PI16: variants seen among roughly 807,000 people sequenced by gnomAD.
PI16 encodes the protein PSP94-binding protein.
A neutral mutation model predicts 38.0 loss-of-function variants in PI16; 35 were observed. The ratio of observed to expected loss-of-function variants is 0.92; its 90% CI spans 0.70 to 1.22. PI16 has a LOEUF of 1.22. Ranked by LOEUF, PI16 falls within the 50% of genes most tolerant of loss-of-function variation. The pLI, the probability that PI16 is intolerant of heterozygous loss-of-function variation, is 0.00. For synonymous variants in PI16, 275 were observed against 252.9 expected (o/e 1.09, Z -0.83); for missense variants, 572 against 593.8 (o/e 0.96, Z 0.38).
intron 1 of PI16, among the ~76,000 whole-genome samples, chr6:36,958,857 T>A (rs1438085973): frequency 6.6e-6 from 1 of 152,100 alleles, no homozygotes; most frequent in East Asian, 1.9e-4. Flanking sequence ...AATAACACTG[T>A]CACCAACACC....
intron 1 of PI16, among the ~76,000 whole-genome samples, chr6:36,957,331 C>A (rs969109408): frequency 6.6e-6 from 1 of 152,232 alleles, no homozygotes; most frequent in East Asian, 1.9e-4. Flanking sequence ...GGATGCCTCT[C>A]CCCTCCAGCT....
chr6:36,954,510 T>G, upstream of PI16: 1 of 494,312 alleles, frequency 2.0e-6, no homozygotes, highest in African/African-American at 1.9e-5. Flanking sequence ...ACTTAGGAAC[T>G]CACACAGCTT....
At position 36,962,394 on chromosome 6, in the gene PI16, T is replaced by A. The variant is rs1286793096; in HGVS notation, c.592+420T>A. 6.6e-6 allele frequency among the ~76,000 whole-genome samples: 1 copy of A among 152,170 alleles called. No homozygotes were observed. The highest frequency in any genetic ancestry group is 1.5e-5 in the Non-Finnish European group (1 of 68,016). On this transcript the variant is annotated intron_variant, in intron 4 of 6. Coordinates refer to ENST00000373674, the MANE Select transcript of PI16 (RefSeq NM_153370.3). This position sits in a 1 kb window ranked among gnomAD's most constrained non-coding sequence, Gnocchi z 4.1. The stretch of plus-strand genomic sequence containing the variant: ...TCCCCTGAAAAAGGGCAAGTACGAA[T>A]GTAGAGAGACTTGGACCAGGAGGTG...
chr6:36,959,974 G>T (rs1763315140), intron 2 of PI16, among the ~76,000 whole-genome samples: 1 of 151,982 alleles, frequency 6.6e-6, no homozygotes, highest in African/African-American at 2.4e-5. Flanking sequence ...CATGGTTATT[G>T]TCCTAGGCCA....
In PI16 at chr6:36,962,897, C is replaced by T. The variant is rs1020822705; in HGVS notation, c.593-38C>T. The T allele has an allele frequency of 1.0e-5, 16 of 1,548,076 alleles. No individual in the cohort carries two copies. Among genetic ancestry groups the T allele is most frequent in the Non-Finnish European group, 1.4e-5 (16 of 1,141,052 alleles). ...GTGCCATGAGAGATGTGGGGTCCTG[C>T]TTGCAGCACTCATGCCCGTTCTCGT... is the stretch of plus-strand genomic sequence containing the variant. On this transcript the variant is annotated intron_variant, in intron 4 of 6. Coordinates refer to ENST00000373674, the MANE Select transcript of PI16 (RefSeq NM_153370.3). This position sits in a 1 kb window ranked among gnomAD's most constrained non-coding sequence, Gnocchi z 4.1.
intron 2 of PI16, among the ~76,000 whole-genome samples, chr6:36,959,767 C>T (rs1583234719): frequency 6.6e-6 from 1 of 151,084 alleles, no homozygotes; most frequent in East Asian, 1.9e-4. Flanking sequence ...GCTCTGGAGG[C>T]GGAGGTGGAA....
chr6:36,961,308 A>G, intron 2 of PI16, 143 bp from the exon 3 acceptor site: 1 of 706,516 alleles, frequency 1.4e-6, no homozygotes, highest in South Asian at 1.6e-5. Flanking sequence ...TTTGTCCTGA[A>G]CCTGCATGGC....
Position 36,963,048 on chromosome 6 carries a change from C to A in PI16, c.706C>A (p.Leu236Ile), listed in dbSNP as rs1212683969. The A allele has an allele frequency of 2.6e-5, 42 of 1,614,122 alleles. No individual in the cohort carries two copies. Among genetic ancestry groups the A allele is most frequent in the Non-Finnish European group, 3.5e-5 (41 of 1,180,060 alleles). The change falls in exon 5 of 7, where the codon CTA becomes ATA. Residue 236 changes from leucine (L) to isoleucine (I), a missense_variant. Leu to Ile is a conservative substitution (Grantham distance 5). Coordinates refer to ENST00000373674, the MANE Select transcript of PI16 (RefSeq NM_153370.3). ...DSRKMGTPSSLATGIPAFLVT... is the reference protein window; with the variant it reads ...DSRKMGTPSSIATGIPAFLVT... The stretch of plus-strand genomic sequence containing the variant: ...TAGGAAAATGGGTACTCCTTCTTCC[C>A]TAGCAACGGGGATTCCGGCTTTCTT...
intron 2 of PI16, among the ~76,000 whole-genome samples, chr6:36,960,156 T>G (rs949889049): frequency 6.6e-6 from 1 of 152,212 alleles, no homozygotes; most frequent in African/African-American, 2.4e-5. Flanking sequence ...ATTGACAATT[T>G]TGCTTAGTTT....
At chr6:36,960,593 C>T (rs1169830072) in intron 2 of PI16, among the ~76,000 whole-genome samples, 1 of 151,804 alleles carries the variant, frequency 6.6e-6, no homozygotes, top group East Asian at 1.9e-4. Context: ...GGCCCAGCAC[C>T]CTTCCTGGCC....
intron 5 of PI16, 84 bp downstream of exon 5, chr6:36,963,696 T>TG (rs1763437215): frequency 1.3e-6 from 2 of 1,555,184 alleles, no homozygotes; most frequent in Admixed American, 1.8e-5. Context: ...ATGAGCATGG[T>TG]GGGGCATGCA....
chr6:36,956,671 G>A (rs1287243630), intron 1 of PI16, among the ~76,000 whole-genome samples: 2 of 152,196 alleles, frequency 1.3e-5, no homozygotes, highest in East Asian at 3.8e-4. Context: ...TAAACTCTCT[G>A]TGCCTCAGTC....
Position 36,954,860 on chromosome 6 carries a change from C to G in PI16, c.100C>G (p.Arg34Gly). The change falls in exon 1 of 7, where the codon CGT becomes GGT. Residue 34 changes from arginine to glycine, a missense_variant. Transcript: ENST00000373674. ...PVGALTDEEK[R>G]LMVELHNLYR... ...TGGAGCCCTCACAGATGAGGAGAAA[C>G]GTTTGATGGTGGAGCTGCACAACCT... 6.2e-7 allele frequency: 1 copy of G among 1,613,966 alleles called. No individual in the cohort carries two copies. The highest frequency in any genetic ancestry group is 8.5e-7 in the Non-Finnish European group (1 of 1,180,010).
At position 36,954,798 on chromosome 6, in the gene PI16, C is replaced by T. The variant is rs932501296; in HGVS notation, c.38C>T (p.Pro13Leu). 16 of 1,613,920 alleles carry T rather than the reference C, an allele frequency of 9.9e-6. No individual in the cohort carries two copies. The highest frequency in any genetic ancestry group is 8.9e-5 in the East Asian group (4 of 44,880). The change falls in exon 1 of 7, where the codon CCG (proline) becomes CTG (leucine). Residue 13 changes from proline to leucine, a missense_variant. Coordinates refer to ENST00000373674, the MANE Select transcript of PI16 (RefSeq NM_153370.3). ...GSCSFLMLLL[P>L]LLLLLVATTG... ...TGCAGTTTCCTGATGCTTCTGCTGC[C>T]GCTACTGCTACTGCTGGTGGCCACC...
At position 36,962,151 on chromosome 6, in the gene PI16, C is replaced by T. The variant is rs1763384739; in HGVS notation, c.592+177C>T. ...AGCCCCCCACGCGCAGCCACTTTGG[C>T]GCCCTGTCGTTCCAAGTGGCCGGAT... is the stretch of plus-strand genomic sequence containing the variant. On this transcript the variant is annotated intron_variant, in intron 4 of 6. Transcript: ENST00000373674. This position sits in a 1 kb window ranked among gnomAD's most constrained non-coding sequence, Gnocchi z 4.1. Among the ~76,000 whole-genome samples the T allele has an allele frequency of 6.6e-6, 1 of 152,176 alleles. No homozygotes were observed. The highest frequency in any genetic ancestry group is 2.4e-5 in the African/African-American group (1 of 41,438).
intron 1 of PI16, among the ~76,000 whole-genome samples, chr6:36,949,102 TCTCTC>T (rs1763060979): frequency 6.6e-6 from 1 of 151,130 alleles, no homozygotes. Context: ...TCTTTTTCTC[TCTCTC>T]CTCTCTTCTC....
chr6:36,957,450 T>G (rs1464550229), intron 1 of PI16, among the ~76,000 whole-genome samples: 1 of 152,210 alleles, frequency 6.6e-6, no homozygotes, highest in Non-Finnish European at 1.5e-5. Context: ...ACATCTGTCA[T>G]TTACCATGTG....
chr6:36,957,549 G>C (rs1763238872), intron 1 of PI16, among the ~76,000 whole-genome samples: 1 of 152,170 alleles, frequency 6.6e-6, no homozygotes, highest in East Asian at 1.9e-4. Context: ...CAGGACTGTT[G>C]AATGAATGAA....
In PI16 at chr6:36,963,118, C is replaced by A; in HGVS notation, c.776C>A (p.Ala259Asp). The A allele has an allele frequency of 6.2e-7, 1 of 1,614,242 alleles. No individual in the cohort carries two copies. The highest frequency in any genetic ancestry group is 8.5e-7 in the Non-Finnish European group (1 of 1,180,042). ...SGSLATKALP[A>D]VETQAPTSLA... ...TCCCTGGCAACCAAGGCTCTGCCTG[C>A]TGTGGAAACCCAGGCCCCAACTTCC... The change falls in exon 5 of 7, where the codon GCT (alanine) becomes GAT (aspartate). Residue 259 changes from alanine to aspartate, a missense_variant. Transcript: ENST00000373674.
Sources: allele counts gnomAD v4.1 joint callset (sites outside exome capture counted in the v4.1 genomes callset), GRCh38; gene constraint gnomAD v4.1.1; non-coding constraint Gnocchi (gnomAD v3.1); transcripts MANE v1.5; gene names NCBI Gene and HGNC (gene_info 2026-07-23, HGNC 2026-07-21).